The following RBM43 variants were observed in gnomAD, a reference collection of about 807,000 sequenced individuals.
RBM43 encodes RNA-binding protein 43.
A neutral mutation model predicts 12.4 loss-of-function variants in RBM43; 12 were observed. That is an observed-to-expected ratio of 0.97 (90% confidence interval 0.62 to 1.57). RBM43 has a LOEUF of 1.57. Ranked by LOEUF, RBM43 falls within the 40% of genes most tolerant of loss-of-function variation. RBM43 has a pLI of 0.00. For synonymous variants in RBM43, 138 were observed against 145.7 expected (o/e 0.95, Z 0.38); for missense variants, 348 against 400.1 (o/e 0.87, Z 1.11).
intron 3 of RBM43, among the ~76,000 whole-genome samples, chr2:151,252,143 A>ATTCTAATT (rs1411336672): frequency 2.0e-5 from 3 of 151,998 alleles, no homozygotes; most frequent in African/African-American, 7.3e-5. Flanking sequence ...TTTAATGTTC[A>ATTCTAATT]TTCTAATTGT....
rs550651380 is a variant in RBM43, at chr2:151,257,343, C to T, written c.4-1600G>A. Reference sequence around the variant, plus strand: ...ACACACACACACACAAACACACACACACACACACAGTGTCCTGTCCATCCC... The same window carrying T: ...ACACACACACACACAAACACACACATACACACACAGTGTCCTGTCCATCCC... On this transcript the variant is annotated intron_variant, in intron 1 of 3. Transcript: ENST00000331426. 7.2e-5 allele frequency among the ~76,000 whole-genome samples: 11 copies of T among 152,326 alleles called. No homozygotes were observed. The East Asian group carries it at 1.9e-3, about 27-fold the overall frequency.
intron 1 of RBM43, among the ~76,000 whole-genome samples, chr2:151,257,598 C>T (rs1682991752): frequency 6.6e-6 from 1 of 152,118 alleles, no homozygotes; most frequent in Non-Finnish European, 1.5e-5. Context: ...GAGGCTGAGG[C>T]AGGAGAATTG....
intron 2 of RBM43, among the ~76,000 whole-genome samples, chr2:151,253,439 G>A (rs1682931630): frequency 6.6e-6 from 1 of 152,076 alleles, no homozygotes; most frequent in African/African-American, 2.4e-5. Flanking sequence ...TATCCTAATA[G>A]GCATCTCATT....
intron 2 of RBM43, 92 bp downstream of exon 2, chr2:151,255,441 T>G: frequency 1.1e-6 from 1 of 931,874 alleles, no homozygotes; most frequent in East Asian, 2.7e-5. Context: ...CTTTAAAATT[T>G]ACCAATTCCG....
At chr2:151,261,184 C>T in intron 1 of RBM43, 1 of 1,463,860 alleles carries the variant, frequency 6.8e-7, no homozygotes, top group Non-Finnish European at 9.1e-7. Context: ...TTTGAATTTG[C>T]TAAGACAAGA....
chr2:151,261,385 AC>A, intron 1 of RBM43: 1 of 1,550,610 alleles, frequency 6.4e-7, no homozygotes, highest in Non-Finnish European at 8.7e-7. Context: ...CAGCTCCTCG[AC>A]GAACGGCGGC....
At position 151,261,323 on chromosome 2, in the gene RBM43, G is replaced by T. The variant is rs998669069; in HGVS notation, c.3+402C>A. 3.2e-6 allele frequency: 5 copies of T among 1,550,444 alleles called. No homozygotes were observed. In the African/African-American group the frequency reaches 4.1e-5, roughly 13 times the overall value. ...ATTTCTGGCTAATCAGGCCACTTTT[G>T]TTCCCCCCGAGGCGTGGGAGGACAA... On this transcript the variant is annotated intron_variant, in intron 1 of 3. Coordinates refer to ENST00000331426, the MANE Select transcript of RBM43 (RefSeq NM_198557.3).
chr2:151,252,930 T>G, intron 2 of RBM43, 75 bp from the exon 3 acceptor site: 1 of 630,278 alleles, frequency 1.6e-6, no homozygotes, highest in Non-Finnish European at 2.7e-6. Flanking sequence ...ATAGGCATAT[T>G]CAATTATAGA....
In RBM43 at chr2:151,261,415, G is replaced by A. The variant is rs921849786; in HGVS notation, c.3+310C>T. ...CGGCGGCGTCCCCGTCGCCTGGGCA[G>A]TGGGTGTGGGAGGTGACAGCCTAGT... On this transcript the variant is annotated intron_variant, in intron 1 of 3. Transcript: ENST00000331426. The A allele has an allele frequency of 7.1e-6, 11 of 1,550,540 alleles. No homozygotes were observed. The Admixed American group carries it at 9.8e-5, about 14-fold the overall frequency.
At chr2:151,260,954 T>G in intron 1 of RBM43, 2 of 324,854 alleles carry the variant, frequency 6.2e-6, no homozygotes, top group African/African-American at 2.1e-5. Context: ...AAGTAAGGCA[T>G]TGGGAAGAAA....
chr2:151,252,749 C>A lies in RBM43; in HGVS notation c.315+6G>T, dbSNP rs371553557. ...CTATCAGTACACCTACAGCATCACACCTTACCTTGTCACCAAAATGAGAGA... is the reference window on the plus strand; with the variant it reads ...CTATCAGTACACCTACAGCATCACAACTTACCTTGTCACCAAAATGAGAGA... On this transcript the variant is annotated splice_donor_region_variant and intron_variant, in intron 3 of 3. Transcript: ENST00000331426. 3.2e-5 allele frequency: 49 copies of A among 1,530,916 alleles called. No homozygotes were observed. The highest frequency in any genetic ancestry group is 4.4e-5 in the Non-Finnish European group (49 of 1,104,722). 94.8% of individuals were successfully genotyped at this position (1,530,916 alleles called of 1,614,324 possible).
chr2:151,256,528 A>T (rs1412970789), intron 1 of RBM43, among the ~76,000 whole-genome samples: 1 of 152,162 alleles, frequency 6.6e-6, no homozygotes, highest in African/African-American at 2.4e-5. Context: ...ATAAAAAAAT[A>T]AAACATTGGG....
chr2:151,252,650 T>C, intron 3 of RBM43, 105 bp downstream of exon 3: 1 of 630,566 alleles, frequency 1.6e-6, no homozygotes, highest in Non-Finnish European at 2.8e-6. Flanking sequence ...TTTTCCTTCC[T>C]AGAAGTCATG....
At position 151,251,002 on chromosome 2, in the gene RBM43, G is replaced by A; in HGVS notation, c.978C>T (p.Asn326=). ...TAATGTCAATGTGTGTCCTATAAAG[G>A]TTAATCAGGACTTCAAGGTATCTCG... is the stretch of plus-strand genomic sequence containing the variant. ...LSSRYLEVLI[N]LYRTHIDIIG... Residue 326 remains asparagine, a synonymous_variant, in exon 4 of 4, where the codon AAC becomes AAT. Transcript: ENST00000331426. 1 of 1,612,856 alleles carries A rather than the reference G, an allele frequency of 6.2e-7. No individual in the cohort carries two copies. The highest frequency in any genetic ancestry group is 8.5e-7 in the Non-Finnish European group (1 of 1,178,882).
At chr2:151,253,897 C>G (rs1682940975) in intron 2 of RBM43, among the ~76,000 whole-genome samples, 1 of 152,024 alleles carries the variant, frequency 6.6e-6, no homozygotes, top group South Asian at 2.1e-4. Flanking sequence ...CCTCCCTTGG[C>G]CTAGAATGTT....
intron 1 of RBM43, among the ~76,000 whole-genome samples, chr2:151,257,792 G>A (rs940215254): frequency 3.3e-5 from 5 of 150,396 alleles, no homozygotes; most frequent in South Asian, 2.1e-4. Context: ...GGAAGTGGCC[G>A]GGCGTGGTGG....
At position 151,248,539 on chromosome 2, in the gene RBM43, C is replaced by T. The variant is rs779604841; in HGVS notation, c.*2367G>A. ...TTTTTTAACAAGGCAATATTTGTAT[C>T]CTGAATGTGTTTTGTTTTTGTTTTT... is the stretch of plus-strand genomic sequence containing the variant. On this transcript the variant is annotated 3_prime_UTR_variant, in exon 4 of 4. Coordinates refer to ENST00000331426, the MANE Select transcript of RBM43 (RefSeq NM_198557.3). 1.6e-4 allele frequency: 24 copies of T among 152,152 alleles called. No individual in the cohort carries two copies. The highest frequency in any genetic ancestry group is 3.3e-4 in the Admixed American group (5 of 15,280). The allele number at this position is 152,152 out of a possible 1,614,324, so 9.4% of individuals were successfully genotyped here. A position where few individuals can be genotyped will look rare whatever the true frequency, so the allele number is the denominator to read the frequency against.
chr2:151,255,447 T>C lies in RBM43; in HGVS notation c.214+86A>G, dbSNP rs149423376. 1,795 of 960,636 alleles carry C rather than the reference T, an allele frequency of 1.9e-3. 30 individuals are homozygous for C. The African/African-American group carries it at 0.027, about 14-fold the overall frequency. 59.5% of individuals were successfully genotyped at this position (960,636 alleles called of 1,614,324 possible). On this transcript the variant is annotated intron_variant, in intron 2 of 3. Coordinates refer to ENST00000331426, the MANE Select transcript of RBM43 (RefSeq NM_198557.3). ...AAAAAACTACTTTAAAATTTACCAA[T>C]TCCGTGGATCATTTTAATAAAATGT...
In RBM43 at chr2:151,261,479, C is replaced by T; in HGVS notation, c.3+246G>A. 6 of 1,550,434 alleles carry T rather than the reference C, an allele frequency of 3.9e-6. No homozygotes were observed. The African/African-American group carries it at 4.1e-5, about 11-fold the overall frequency. ...AGCGGGCCTATACTGCACCGCCGTA[C>T]GTGAATTTCAGGAGCGCGCAATGCC... On this transcript the variant is annotated intron_variant, in intron 1 of 3. Transcript: ENST00000331426.
Sources: gnomAD v4.1 joint callset for allele counts (sites outside exome capture counted in the v4.1 genomes callset) on GRCh38, gnomAD v4.1.1 for gene constraint, MANE v1.5 for transcripts, NCBI Gene and HGNC (gene_info 2026-07-23, HGNC 2026-07-21) for gene names.